Variants in KAZN observed in about 807,000 individuals in gnomAD.
KAZN encodes kazrin.
In KAZN, 40 loss-of-function variants were observed where a neutral mutation model predicts 87.4. The ratio of observed to expected loss-of-function variants is 0.46; its 90% CI spans 0.36 to 0.60. The LOEUF is 0.60. Ranked by LOEUF, KAZN falls within the 20% of genes least tolerant of loss-of-function variation. The pLI, the probability that KAZN is intolerant of heterozygous loss-of-function variation, is 0.00. For missense variants in KAZN, 898 were observed against 1,073.9 expected, an observed-to-expected ratio of 0.84 and a Z score of 2.29; for synonymous variants, 466 against 458.3, an observed-to-expected ratio of 1.02 and a Z score of -0.22.
At chr1:15,048,704 T>TGGTCGTTGGTCCTG (rs1006236827) in intron 4 of KAZN, among the ~76,000 whole-genome samples, 5 of 105,982 alleles carry the variant, frequency 4.7e-5, no homozygotes, top group Non-Finnish European at 9.6e-5. Context: ...CGTTGATCCT[T>TGGTCGTTGGTCCTG]GGTCGTTGGT....
At chr1:14,442,119 A>G (rs1666739048) in intron 2 of KAZN, among the ~76,000 whole-genome samples, 1 of 152,232 alleles carries the variant, frequency 6.6e-6, no homozygotes, top group African/African-American at 2.4e-5. Flanking sequence ...TACAAACCAG[A>G]TGAGGTTCTG....
intron 4 of KAZN, among the ~76,000 whole-genome samples, chr1:15,054,657 A>AAG (rs1360766709): frequency 1.3e-5 from 2 of 150,446 alleles, no homozygotes; most frequent in Non-Finnish European, 2.9e-5. Flanking sequence ...ATCTCAAAAA[A>AAG]AAAAAAAAGA....
chr1:13,980,674 AGAGATTTTAAGATACTTCTCTCTGTAATC>A (rs1182763285), intron 1 of KAZN, among the ~76,000 whole-genome samples: 1 of 152,176 alleles, frequency 6.6e-6, no homozygotes, highest in Non-Finnish European at 1.5e-5. Flanking sequence ...AATCAGGGCT[AGAGATTTTAAGATACTTCTCTCTGTAATC>A]GATACACCAA....
chr1:14,619,397 G>A (rs992575174), intron 1 of KAZN, among the ~76,000 whole-genome samples: 1 of 151,828 alleles, frequency 6.6e-6, no homozygotes, highest in African/African-American at 2.4e-5. Flanking sequence ...ACAGGGTCTC[G>A]CCATGGTGTC....
intron 2 of KAZN, among the ~76,000 whole-genome samples, chr1:14,470,110 A>G (rs181782064): frequency 3.9e-5 from 6 of 152,356 alleles, no homozygotes. Flanking sequence ...ACATATTTCA[A>G]ACAATGCGCT....
intron 1 of KAZN, among the ~76,000 whole-genome samples, chr1:14,822,581 C>T (rs200410049): frequency 2.0e-5 from 3 of 152,288 alleles, no homozygotes; most frequent in South Asian, 2.1e-4. Flanking sequence ...TCCTTCCGTC[C>T]CTGTGCAGTA....
chr1:14,914,694 A>T (rs867373882), intron 1 of KAZN, among the ~76,000 whole-genome samples: 4 of 152,162 alleles, frequency 2.6e-5, no homozygotes, highest in South Asian at 2.1e-4. Flanking sequence ...CCCATTGATA[A>T]TGGCATAATG....
rs533615943 is a variant in KAZN at position 14,184,655 on chromosome 1, T to G, written c.249+4063T>G. ...TGTCTAGCAAACTCTTCTAGATGAT[T>G]GTGCTTTCCAATTGGTTTCTGGCAA... On this transcript the variant is annotated intron_variant, in intron 2 of 16. Transcript: ENST00000636203. This position sits in a 1 kb window ranked among gnomAD's most constrained non-coding sequence, Gnocchi z 4.2. Among the ~76,000 whole-genome samples the G allele has an allele frequency of 6.6e-6, 1 of 152,308 alleles. No homozygotes were observed. The highest frequency in any genetic ancestry group is 2.1e-4 in the South Asian group (1 of 4,818).
chr1:14,253,771 T>C (rs1317053433), intron 2 of KAZN, among the ~76,000 whole-genome samples: 2 of 152,138 alleles, frequency 1.3e-5, no homozygotes, highest in Admixed American at 6.5e-5. Flanking sequence ...CTCTTTGGCA[T>C]ACAAAATAGG....
chr1:14,358,288 T>C (rs1020061984), intron 2 of KAZN, among the ~76,000 whole-genome samples: 7 of 152,050 alleles, frequency 4.6e-5, no homozygotes, highest in South Asian at 2.1e-4. Flanking sequence ...TTTCTTATTG[T>C]GTCTATTTGA....
At chr1:14,469,859 C>T (rs1387245018) in intron 2 of KAZN, among the ~76,000 whole-genome samples, 1 of 141,928 alleles carries the variant, frequency 7.0e-6, no homozygotes, top group Non-Finnish European at 1.5e-5. Flanking sequence ...ACTATTTGCA[C>T]TTGCCAGGTT....
intron 1 of KAZN, among the ~76,000 whole-genome samples, chr1:14,957,808 T>G (rs1350550201): frequency 6.6e-6 from 1 of 152,186 alleles, no homozygotes; most frequent in Non-Finnish European, 1.5e-5. Context: ...AAGAGGCAGC[T>G]AATATGCTAG....
intron 1 of KAZN, among the ~76,000 whole-genome samples, chr1:14,145,430 A>G (rs1645325606): frequency 6.6e-6 from 1 of 152,080 alleles, no homozygotes; most frequent in South Asian, 2.1e-4. Flanking sequence ...GGTGATAGAA[A>G]AAGACCATGT....
intron 2 of KAZN, among the ~76,000 whole-genome samples, chr1:14,347,912 T>C (rs1658230116): frequency 6.6e-6 from 1 of 151,600 alleles, no homozygotes; most frequent in Admixed American, 6.6e-5. Context: ...AGAGTCAGTG[T>C]CTCACTGTGT....
At chr1:14,012,587 G>T (rs1319190901) in intron 1 of KAZN, among the ~76,000 whole-genome samples, 1 of 152,120 alleles carries the variant, frequency 6.6e-6, no homozygotes, top group African/African-American at 2.4e-5. Flanking sequence ...GGGTGACGCG[G>T]GTGGATCAGG....
At chr1:14,145,332 C>T (rs1331258555) in intron 1 of KAZN, among the ~76,000 whole-genome samples, 2 of 152,122 alleles carry the variant, frequency 1.3e-5, no homozygotes, top group African/African-American at 2.4e-5. Flanking sequence ...GTAGTCCCAG[C>T]TCTCAGGAGG....
intron 2 of KAZN, among the ~76,000 whole-genome samples, chr1:14,449,542 A>G (rs1312322511): frequency 3.3e-5 from 5 of 152,212 alleles, no homozygotes; most frequent in African/African-American, 9.6e-5. Flanking sequence ...ATGAAACTCT[A>G]TGCAAAATAG....
intron 2 of KAZN, among the ~76,000 whole-genome samples, chr1:15,001,005 A>C (rs1205727786): frequency 6.8e-6 from 1 of 146,294 alleles, no homozygotes; most frequent in Non-Finnish European, 1.5e-5. Context: ...TAGGAGGCTG[A>C]GGCAGGAGAG....
At chr1:14,597,364 G>A (rs1676578843), upstream of KAZN, among the ~76,000 whole-genome samples, 1 of 152,144 alleles carries the variant, frequency 6.6e-6, no homozygotes, top group Non-Finnish European at 1.5e-5. Context: ...CCACAGAAAA[G>A]GGGGGAGAAA....
Sources: allele counts gnomAD v4.1 joint callset (sites outside exome capture counted in the v4.1 genomes callset), GRCh38; gene constraint gnomAD v4.1.1; non-coding constraint Gnocchi (gnomAD v3.1); transcripts MANE v1.5; gene names NCBI Gene and HGNC (gene_info 2026-07-23, HGNC 2026-07-21).